ARSB: variants seen among roughly 807,000 people sequenced by gnomAD.
ARSB encodes N-acetylgalactosamine-4-sulfatase.
A neutral mutation model predicts 50.9 loss-of-function variants in ARSB; 41 were observed. The observed-to-expected ratio is 0.81, with a 90% CI of 0.63 to 1.04. The LOEUF (loss-of-function observed/expected upper bound fraction) is 1.04, where lower values mean the gene tolerates loss of function less well. ARSB is among the 50% of genes least tolerant of loss of function. The pLI, the probability that ARSB is intolerant of heterozygous loss-of-function variation, is 0.00. For synonymous variants in ARSB, 269 were observed against 284.8 expected (o/e 0.94, Z 0.56); for missense variants, 672 against 693.3 (o/e 0.97, Z 0.35).
At position 78,862,995 on chromosome 5, in the gene ARSB, G is replaced by A. The variant is rs111575998; in HGVS notation, c.1142+22589C>T. ...GAAGACATTTATGCAGCCAACAGAC[G>A]CATGAAAAAAATGCTCATCATCACT... On this transcript the variant is annotated intron_variant, in intron 5 of 7. Transcript: ENST00000264914. Among the ~76,000 whole-genome samples the A allele has an allele frequency of 2.8e-3, 422 of 152,144 alleles. 4 individuals are homozygous for A. The highest frequency in any genetic ancestry group is 9.4e-3 in the African/African-American group (391 of 41,506).
intron 4 of ARSB, among the ~76,000 whole-genome samples, chr5:78,887,131 A>G (rs933374514): frequency 1.3e-5 from 2 of 152,200 alleles, no homozygotes; most frequent in Non-Finnish European, 2.9e-5. Flanking sequence ...CAGAATACTG[A>G]GACTAGGTAA....
Position 78,968,995 on chromosome 5 carries a change from A to AT in ARSB, c.499+10dup, listed in dbSNP as rs1752328424. ...TCTAAGTTGTTAAAGAAACATGTGC[A>AT]TTTCCATTACCAAAGTAGGTATCAA... On this transcript the variant is annotated intron_variant, in intron 2 of 7. Coordinates refer to ENST00000264914, the MANE Select transcript of ARSB (RefSeq NM_000046.5). The AT allele has an allele frequency of 2.5e-6, 4 of 1,614,052 alleles. No homozygotes were observed. Among genetic ancestry groups the AT allele is most frequent in the Non-Finnish European group, 3.4e-6 (4 of 1,179,904 alleles).
chr5:78,952,538 T>G (rs1192296748), intron 4 of ARSB, among the ~76,000 whole-genome samples: 1 of 152,136 alleles, frequency 6.6e-6, no homozygotes, highest in Non-Finnish European at 1.5e-5. Context: ...GGTTTCACCA[T>G]GTTTCCCAGG....
intron 5 of ARSB, among the ~76,000 whole-genome samples, chr5:78,869,187 G>C (rs1475588902): frequency 7.1e-4 from 88 of 124,658 alleles, no homozygotes; most frequent in African/African-American, 2.7e-3. Flanking sequence ...CCTACAAAGA[G>C]ACTTAGACTC....
intron 4 of ARSB, among the ~76,000 whole-genome samples, chr5:78,886,826 C>T (rs1385788279): frequency 6.6e-6 from 1 of 152,006 alleles, no homozygotes; most frequent in Non-Finnish European, 1.5e-5. Flanking sequence ...GACAGACCAC[C>T]TGCTGTATAG....
At chr5:78,868,825 A>T (rs1746954552) in intron 5 of ARSB, among the ~76,000 whole-genome samples, 1 of 147,230 alleles carries the variant, frequency 6.8e-6, no homozygotes, top group Non-Finnish European at 1.5e-5. Flanking sequence ...TTAACTTTAA[A>T]TGTAAATGGA....
intron 5 of ARSB, among the ~76,000 whole-genome samples, chr5:78,850,759 G>T (rs1352595407): frequency 6.6e-6 from 1 of 152,176 alleles, no homozygotes; most frequent in African/African-American, 2.4e-5. Flanking sequence ...TCTATTCAGA[G>T]ATTCAACTTC....
intron 4 of ARSB, among the ~76,000 whole-genome samples, chr5:78,924,694 C>T (rs539224074): frequency 8.5e-5 from 13 of 152,238 alleles, no homozygotes; most frequent in African/African-American, 1.9e-4. Flanking sequence ...CTTTGAGTTA[C>T]GATTAAATCT....
chr5:78,828,771 C>T (rs1027616185), intron 6 of ARSB, among the ~76,000 whole-genome samples: 1 of 58,290 alleles, frequency 1.7e-5, no homozygotes, highest in East Asian at 2.7e-4. Context: ...CGTCCCAATC[C>T]CCAGGACCTG....
At chr5:78,892,895 T>A (rs1190787809) in intron 4 of ARSB, among the ~76,000 whole-genome samples, 1 of 152,184 alleles carries the variant, frequency 6.6e-6, no homozygotes, top group African/African-American at 2.4e-5. Context: ...AATGTCCAGC[T>A]GGGCTAGCAA....
chr5:78,920,497 G>A (rs1403787524), intron 4 of ARSB, among the ~76,000 whole-genome samples: 1 of 152,146 alleles, frequency 6.6e-6, no homozygotes, highest in African/African-American at 2.4e-5. Context: ...ATGGAAGTCA[G>A]GGGTAGAAAG....
intron 4 of ARSB, among the ~76,000 whole-genome samples, chr5:78,946,552 A>G (rs1196880012): frequency 6.6e-6 from 1 of 152,208 alleles, no homozygotes; most frequent in Non-Finnish European, 1.5e-5. Context: ...ATAAGTAGTA[A>G]GTAGATCACT....
chr5:78,941,494 G>A (rs1284009001), intron 4 of ARSB, among the ~76,000 whole-genome samples: 12 of 152,118 alleles, frequency 7.9e-5, no homozygotes, highest in South Asian at 2.1e-4. Context: ...AGCATGAAGG[G>A]TTGTTGAATT....
At chr5:78,809,366 T>C (rs1271039346) in intron 6 of ARSB, among the ~76,000 whole-genome samples, 1 of 152,232 alleles carries the variant, frequency 6.6e-6, no homozygotes, top group Non-Finnish European at 1.5e-5. Flanking sequence ...GGGAACAGCA[T>C]GAGGAAAAGC....
chr5:78,903,880 C>T lies in ARSB; in HGVS notation c.899-18053G>A, dbSNP rs561906787. Among the ~76,000 whole-genome samples the T allele has an allele frequency of 7.2e-5, 11 of 152,226 alleles. No homozygotes were observed. In the South Asian group the frequency reaches 2.3e-3, roughly 32 times the overall value. The stretch of plus-strand genomic sequence containing the variant: ...TTTAATTTACATACAGTAAAATTCA[C>T]TTATTTTGGTGTGCATCATTATGGA... On this transcript the variant is annotated intron_variant, in intron 4 of 7. Transcript: ENST00000264914.
intron 1 of ARSB, among the ~76,000 whole-genome samples, chr5:78,972,516 T>TATACACACACAC (rs1554088556): frequency 6.9e-6 from 1 of 145,598 alleles, no homozygotes; most frequent in African/African-American, 2.6e-5. Flanking sequence ...CACGCATACG[T>TATACACACACAC]ACACACACAC....
rs149054789 is a variant in ARSB, at chr5:78,963,758, A to G, written c.690+658T>C. The stretch of plus-strand genomic sequence containing the variant: ...CCAGGTATATGGATTAGAAGACCCA[A>G]TATTGTTAAGACATCCATTCTCCCC... On this transcript the variant is annotated intron_variant, in intron 3 of 7. Transcript: ENST00000264914. Among the ~76,000 whole-genome samples the G allele has an allele frequency of 1.6e-4, 25 of 152,320 alleles. 2 individuals carry two copies. The East Asian group carries it at 4.4e-3, about 27-fold the overall frequency.
chr5:78,891,776 T>C (rs536624095), intron 4 of ARSB, among the ~76,000 whole-genome samples: 17 of 152,296 alleles, frequency 1.1e-4, no homozygotes, highest in Admixed American at 2.6e-4. Flanking sequence ...AGTTATACTA[T>C]TAGGTATACT....
At chr5:78,864,233 A>G (rs1422465279) in intron 5 of ARSB, among the ~76,000 whole-genome samples, 1 of 152,110 alleles carries the variant, frequency 6.6e-6, no homozygotes, top group African/African-American at 2.4e-5. Context: ...AGACTGGACA[A>G]TTTACAAAAG....
Sources: allele counts gnomAD v4.1 joint callset (sites outside exome capture counted in the v4.1 genomes callset), GRCh38; gene constraint gnomAD v4.1.1; transcripts MANE v1.5; gene names NCBI Gene and HGNC (gene_info 2026-07-23, HGNC 2026-07-21).